MAN2B2: variants seen among roughly 807,000 people sequenced by gnomAD.
The protein encoded by MAN2B2 is mannosidase alpha class 2B member 2.
A neutral mutation model predicts 117.1 loss-of-function variants in MAN2B2; 106 were observed. The observed-to-expected ratio is 0.90, with a 90% CI of 0.77 to 1.06. The LOEUF (loss-of-function observed/expected upper bound fraction) is 1.06, where lower values mean the gene tolerates loss of function less well. Among genes scored for constraint, MAN2B2 ranks in the 50% least tolerant of loss-of-function variants. MAN2B2 has a pLI of 0.00. For synonymous variants in MAN2B2, 544 were observed against 595.1 expected (o/e 0.91, Z 1.25); for missense variants, 1,326 against 1,381.4 (o/e 0.96, Z 0.64).
intron 3 of MAN2B2, among the ~76,000 whole-genome samples, chr4:6,579,240 CCACCCTT>C (rs1317822930): frequency 9.9e-5 from 3 of 30,398 alleles, no homozygotes; most frequent in African/African-American, 2.9e-4. Flanking sequence ...ATCACCACCA[CCACCCTT>C]CACCACCATC....
At chr4:6,588,897 A>C in intron 4 of MAN2B2, 148 bp from the exon 5 acceptor site, 1 of 625,202 alleles carries the variant, frequency 1.6e-6, no homozygotes, top group Non-Finnish European at 2.9e-6. Context: ...CCAGTCTTAG[A>C]CGGAAACGGC....
At chr4:6,598,590 A>G (rs1727202733) in intron 9 of MAN2B2, among the ~76,000 whole-genome samples, 1 of 152,212 alleles carries the variant, frequency 6.6e-6, no homozygotes, top group East Asian at 1.9e-4. Context: ...AGCAGCTAAC[A>G]TGTTTTGAGC....
chr4:6,600,252 A>C (rs965538561), intron 9 of MAN2B2, among the ~76,000 whole-genome samples: 1 of 152,214 alleles, frequency 6.6e-6, no homozygotes, highest in African/African-American at 2.4e-5. Flanking sequence ...AAAGCTTTGC[A>C]GCCAGGCCTT....
Position 6,576,713 on chromosome 4 carries a change from C to CA in MAN2B2, c.275dup (p.Lys93GlufsTer24). The stretch of plus-strand genomic sequence containing the variant: ...GTGGGATGGCGTCGCCTCGGACCAG[C>CA]AGAAATACCAGGTAATGAGGTCACC... On this transcript the variant is annotated frameshift_variant, in exon 2 of 19. Coordinates refer to ENST00000285599, the MANE Select transcript of MAN2B2 (RefSeq NM_015274.3). LOFTEE classifies it high-confidence loss of function. 1.2e-6 allele frequency: 2 copies of CA among 1,613,872 alleles called. No homozygotes were observed. The highest frequency in any genetic ancestry group is 1.7e-6 in the Non-Finnish European group (2 of 1,179,936).
rs1447601759 is a variant in MAN2B2 at position 6,610,888 on chromosome 4, C to T, written c.2268C>T (p.Tyr756=). The T allele has an allele frequency of 6.2e-7, 1 of 1,614,036 alleles. No individual in the cohort carries two copies. Among genetic ancestry groups the T allele is most frequent in the African/African-American group, 1.3e-5 (1 of 74,928 alleles). Reference sequence around the variant, plus strand: ...GATGTTTCTGTCTGCAGAATTACTACCCCATGGTTCAGTCGGCCTTCATGG... The same window carrying T: ...GATGTTTCTGTCTGCAGAATTACTATCCCATGGTTCAGTCGGCCTTCATGG... The part of the protein sequence containing the change: ...YVNNSIARNY[Y]PMVQSAFMED... Residue 756 remains tyrosine, a synonymous_variant, in exon 14 of 19, where the codon TAC becomes TAT. Coordinates refer to ENST00000285599, the MANE Select transcript of MAN2B2 (RefSeq NM_015274.3).
intron 16 of MAN2B2, among the ~76,000 whole-genome samples, chr4:6,615,624 C>CT (rs1418658337): frequency 1.3e-5 from 2 of 152,132 alleles, no homozygotes; most frequent in African/African-American, 4.8e-5. Context: ...TAGCTAGACT[C>CT]TGTCTCTACA....
chr4:6,611,119 G>A lies in MAN2B2; in HGVS notation c.2404G>A (p.Asp802Asn), dbSNP rs755241862. The change falls in exon 15 of 19, where the codon GAC becomes AAC. Residue 802 changes from aspartate to asparagine, a missense_variant. By Grantham distance (23) the Asp-to-Asn change is conservative. Transcript: ENST00000285599. ...CCACCGGCGGCTGTGGAACAACTTC[G>A]ACTGGGACCTGGGCTACAACCTCAC... Reference protein sequence around the residue: ...MLHRRLWNNFDWDLGYNLTLN... With the variant: ...MLHRRLWNNFNWDLGYNLTLN... The A allele has an allele frequency of 2.8e-5, 45 of 1,613,530 alleles. No individual in the cohort carries two copies. Among genetic ancestry groups the A allele is most frequent in the East Asian group, 4.5e-5 (2 of 44,880 alleles).
At chr4:6,603,404 A>G (rs1434001738) in intron 10 of MAN2B2, among the ~76,000 whole-genome samples, 1 of 152,084 alleles carries the variant, frequency 6.6e-6, no homozygotes, top group Admixed American at 6.5e-5. Flanking sequence ...GGACACAGAC[A>G]TGGATGGTGA....
chr4:6,617,853 T>TTG (rs1184220910), intron 17 of MAN2B2: 2 of 230,088 alleles, frequency 8.7e-6, no homozygotes, highest in Non-Finnish European at 1.7e-5. Context: ...CTAAGTTTTT[T>TTG]TTTTTTTTTT....
intron 16 of MAN2B2, among the ~76,000 whole-genome samples, chr4:6,616,199 G>A (rs1030505218): frequency 3.3e-5 from 5 of 152,126 alleles, no homozygotes; most frequent in Non-Finnish European, 7.4e-5. Context: ...GGTTCTACCA[G>A]CCAGGGTTTA....
chr4:6,598,258 A>T lies in MAN2B2; in HGVS notation c.1309A>T (p.Thr437Ser). ...CCCCAAGGTGAGAGACATGTACGCA[A>T]CGCACCTGGCCTCGGGGATGCTGGG... The part of the protein sequence containing the change: ...ESPKVRDMYA[T>S]HLASGMLGMR... Residue 437 changes from threonine (T) to serine (S), a missense_variant, in exon 9 of 19, where the codon ACG becomes TCG. Thr to Ser is a moderately conservative substitution (Grantham distance 58). Coordinates refer to ENST00000285599, the MANE Select transcript of MAN2B2 (RefSeq NM_015274.3). 3.1e-6 allele frequency: 5 copies of T among 1,613,754 alleles called. No individual in the cohort carries two copies. The highest frequency in any genetic ancestry group is 4.2e-6 in the Non-Finnish European group (5 of 1,180,022).
intron 5 of MAN2B2, among the ~76,000 whole-genome samples, chr4:6,591,558 C>T (rs374606666): frequency 6.6e-5 from 10 of 152,132 alleles, no homozygotes; most frequent in African/African-American, 2.2e-4. Context: ...GGTGGAGGAC[C>T]AGGTGGGGTG....
intron 10 of MAN2B2, among the ~76,000 whole-genome samples, chr4:6,604,077 GA>G (rs2108750065): frequency 6.6e-6 from 1 of 152,316 alleles, no homozygotes; most frequent in East Asian, 1.9e-4. Context: ...CCTCCCAGGA[GA>G]AGGTAGTCCA....
chr4:6,577,230 G>A (rs1330450530), intron 2 of MAN2B2, among the ~76,000 whole-genome samples: 3 of 152,250 alleles, frequency 2.0e-5, no homozygotes, highest in African/African-American at 4.8e-5. Context: ...TCCTGCTCCC[G>A]CACCAGGGGA....
intron 4 of MAN2B2, among the ~76,000 whole-genome samples, chr4:6,588,363 A>G (rs1216697835): frequency 6.6e-6 from 1 of 152,044 alleles, no homozygotes; most frequent in African/African-American, 2.4e-5. Flanking sequence ...TTTTCTGAGG[A>G]CACCCATCCT....
chr4:6,589,030 C>T lies in MAN2B2; in HGVS notation c.565-15C>T. 6.2e-7 allele frequency: 1 copy of T among 1,604,740 alleles called. No individual in the cohort carries two copies. The highest frequency in any genetic ancestry group is 8.5e-7 in the Non-Finnish European group (1 of 1,172,342). On this transcript the variant is annotated splice_polypyrimidine_tract_variant and intron_variant, in intron 4 of 18. Transcript: ENST00000285599. Reference sequence around the variant, plus strand: ...ATGTGGCCCCTCCAGCCTCATTCTTCTCCTCGGTTTGCAGGGGCTGCAGTT... The same window carrying T: ...ATGTGGCCCCTCCAGCCTCATTCTTTTCCTCGGTTTGCAGGGGCTGCAGTT...
rs1239071609 is a variant in MAN2B2 at position 6,611,108 on chromosome 4, G to A, written c.2393G>A (p.Trp798Ter). 4.3e-6 allele frequency: 7 copies of A among 1,613,318 alleles called. No homozygotes were observed. The highest frequency in any genetic ancestry group is 3.3e-5 in the South Asian group (3 of 91,062). Reference sequence around the variant, plus strand: ...CAGGTCATGCTCCACCGGCGGCTGTGGAACAACTTCGACTGGGACCTGGGC... The same window carrying A: ...CAGGTCATGCTCCACCGGCGGCTGTAGAACAACTTCGACTGGGACCTGGGC... ...QVEVMLHRRLWNNFDWDLGYN... is the reference protein window; with the variant it reads ...QVEVMLHRRL The change falls in exon 15 of 19, where the codon TGG becomes TAG. Residue 798 changes from tryptophan to a stop codon, truncating the protein, a stop_gained. Coordinates refer to ENST00000285599, the MANE Select transcript of MAN2B2 (RefSeq NM_015274.3). LOFTEE classifies it high-confidence loss of function.
At chr4:6,600,484 C>T (rs181817869) in intron 9 of MAN2B2, 139 bp from the exon 10 acceptor site, 5 of 990,272 alleles carry the variant, frequency 5.0e-6, no homozygotes, top group East Asian at 4.8e-5. Context: ...TGGCCTGCCC[C>T]CTTCCTGGCT....
intron 4 of MAN2B2, 71 bp from the exon 5 acceptor site, chr4:6,588,974 T>C: frequency 8.6e-7 from 1 of 1,164,208 alleles, no homozygotes; most frequent in Non-Finnish European, 1.3e-6. Flanking sequence ...GACACCCAGA[T>C]GGGGCTGAGG....
Sources: allele counts gnomAD v4.1 joint callset (sites outside exome capture counted in the v4.1 genomes callset), GRCh38; gene constraint gnomAD v4.1.1; transcripts MANE v1.5; gene names NCBI Gene and HGNC (gene_info 2026-07-23, HGNC 2026-07-21).